The following HSDL1 variants were observed in gnomAD, a reference collection of about 807,000 sequenced individuals.
HSDL1 encodes hydroxysteroid dehydrogenase like 1, also known as inactive hydroxysteroid dehydrogenase-like protein 1.
Under a neutral mutation model 31.5 loss-of-function variants are expected in HSDL1, and 29 were observed. The observed-to-expected ratio is 0.92, with a 90% confidence interval of 0.69 to 1.26. HSDL1 has a LOEUF of 1.26. Ranked by LOEUF, HSDL1 falls within the 50% of genes most tolerant of loss-of-function variation. The probability of loss-of-function intolerance (pLI) is 0.00; values close to 1 mark genes in which losing one functional copy is unlikely to be tolerated. For missense variants in HSDL1, 503 were observed against 416.6 expected (o/e 1.21, Z -1.81); for synonymous variants, 222 against 155.2 (o/e 1.43, Z -3.20).
At chr16:84,139,466 G>C (rs1307305886) in intron 1 of HSDL1, among the ~76,000 whole-genome samples, 2 of 152,150 alleles carry the variant, frequency 1.3e-5, no homozygotes, top group African/African-American at 4.8e-5. Flanking sequence ...CTAGAAGCTG[G>C]CAGAGGCAAG....
Position 84,130,383 on chromosome 16 carries a change from C to T in HSDL1, c.269G>A (p.Arg90Gln), listed in dbSNP as rs763055432. Residue 90 changes from arginine (R) to glutamine (Q), a missense_variant, in exon 4 of 6, where the codon CGA becomes CAA. Physicochemically the swap from Arg to Gln is conservative, Grantham distance 43. Transcript: ENST00000219439. ...ACTAATCAGGATTATATTGAGACCTCGGCTTGCTAACTCTTCAGCGTAGGC... is the reference window on the plus strand; with the variant it reads ...ACTAATCAGGATTATATTGAGACCTTGGCTTGCTAACTCTTCAGCGTAGGC... ...GKAYAEELAS[R>Q]GLNIILISRN... 9.9e-6 allele frequency: 16 copies of T among 1,613,620 alleles called. No homozygotes were observed. Among genetic ancestry groups the T allele is most frequent in the African/African-American group, 5.3e-5 (4 of 74,912 alleles).
chr16:84,127,089 T>C (rs2086615222), intron 5 of HSDL1, among the ~76,000 whole-genome samples: 1 of 152,138 alleles, frequency 6.6e-6, no homozygotes, highest in Non-Finnish European at 1.5e-5. Context: ...CTGATCCTCA[T>C]ATCTTTATTT....
chr16:84,129,716 A>G lies in HSDL1; in HGVS notation c.726T>C (p.Phe242=), dbSNP rs1432491327. ...LQYEYASKGI[F]VQSLIPFYVA... is the part of the protein sequence containing the mutation. Reference sequence around the variant, plus strand: ...CATAGAAAGGGATTAGACTCTGTACAAAGATTCCTTTAGAGGCATATTCAT... The same window carrying G: ...CATAGAAAGGGATTAGACTCTGTACGAAGATTCCTTTAGAGGCATATTCAT... Residue 242 remains phenylalanine (F), a synonymous_variant, in exon 5 of 6, where the codon TTT becomes TTC. Transcript: ENST00000219439. The G allele has an allele frequency of 2.5e-6, 4 of 1,614,118 alleles. No individual in the cohort carries two copies. The highest frequency in any genetic ancestry group is 2.5e-6 in the Non-Finnish European group (3 of 1,180,046).
At chr16:84,141,649 T>A (rs1432230959) in intron 1 of HSDL1, among the ~76,000 whole-genome samples, 1 of 152,252 alleles carries the variant, frequency 6.6e-6, no homozygotes, top group Non-Finnish European at 1.5e-5. Context: ...CTCCTCAATG[T>A]CACTGGCTGG....
intron 1 of HSDL1, among the ~76,000 whole-genome samples, chr16:84,143,438 G>A (rs1396199873): frequency 1.3e-5 from 2 of 152,148 alleles, no homozygotes; most frequent in African/African-American, 2.4e-5. Flanking sequence ...GGGCTGCTGA[G>A]GGACAGGGGG....
At chr16:84,138,707 A>G (rs569339628) in intron 1 of HSDL1, among the ~76,000 whole-genome samples, 3 of 152,336 alleles carry the variant, frequency 2.0e-5, no homozygotes, top group African/African-American at 7.2e-5. Flanking sequence ...ACAAAACAAA[A>G]CCACAACTGT....
At chr16:84,135,048 A>G (rs2086699945) in intron 2 of HSDL1, among the ~76,000 whole-genome samples, 1 of 152,180 alleles carries the variant, frequency 6.6e-6, no homozygotes, top group Admixed American at 6.5e-5. Context: ...CCTGGCCAAC[A>G]GGGTGAAACC....
At chr16:84,137,537 G>T (rs886708033) in intron 1 of HSDL1, among the ~76,000 whole-genome samples, 7 of 152,168 alleles carry the variant, frequency 4.6e-5, no homozygotes, top group Non-Finnish European at 8.8e-5. Context: ...CTGAGCCCTG[G>T]TTACTCAGCT....
chr16:84,122,624 T>C lies in HSDL1; in HGVS notation c.*2006A>G, dbSNP rs948899015. The C allele has an allele frequency of 2.6e-5, 4 of 152,292 alleles. No homozygotes were observed. The highest frequency in any genetic ancestry group is 1.5e-5 in the Non-Finnish European group (1 of 68,106). The allele number at this position is 152,292 out of a possible 1,614,324, so 9.4% of individuals were successfully genotyped here. A position where few individuals can be genotyped will look rare whatever the true frequency, so the allele number is the denominator to read the frequency against. The stretch of plus-strand genomic sequence containing the variant: ...GCCCTGGCCTTCCAAACTGCTGGGA[T>C]TACAGGTGTGAGCCACCGCACTCGG... On this transcript the variant is annotated 3_prime_UTR_variant, in exon 6 of 6. Transcript: ENST00000219439.
At position 84,129,790 on chromosome 16, in the gene HSDL1, G is replaced by T. The variant is rs1439909628; in HGVS notation, c.667-15C>A. 11 of 1,584,418 alleles carry T rather than the reference G, an allele frequency of 6.9e-6. No individual in the cohort carries two copies. Among genetic ancestry groups the T allele is most frequent in the East Asian group, 2.2e-5 (1 of 44,680 alleles). On this transcript the variant is annotated splice_polypyrimidine_tract_variant and intron_variant, in intron 4 of 5. Transcript: ENST00000219439. ...TCTAAATAAGCCTGTTGAGACAGAG[G>T]GGAGGAAAAGACTTTTAATTCTGGG...
At chr16:84,138,500 G>T (rs766763236) in intron 1 of HSDL1, among the ~76,000 whole-genome samples, 2 of 152,128 alleles carry the variant, frequency 1.3e-5, no homozygotes, top group Non-Finnish European at 2.9e-5. Context: ...AGTAACTGAG[G>T]TGATGAATGT....
chr16:84,132,740 G>T (rs923477113), intron 2 of HSDL1, among the ~76,000 whole-genome samples: 4 of 152,048 alleles, frequency 2.6e-5, no homozygotes, highest in African/African-American at 9.7e-5. Flanking sequence ...AGGCATGGGG[G>T]GTCTGGCCAC....
At position 84,124,725 on chromosome 16, in the gene HSDL1, G is replaced by C. The variant is rs781385800; in HGVS notation, c.898C>G (p.Leu300Val). Residue 300 changes from leucine (L) to valine (V), a missense_variant, in exon 6 of 6, where the codon CTT becomes GTT. Leu to Val is a conservative substitution (Grantham distance 32, BLOSUM62 1). Transcript: ENST00000219439. ...CATTCAGGCATATACTGTGCAAAAA[G>C]AAACTAAAAATGAAAGAGAAAAAGG... ...TGYWSHSIQF[L>V]FAQYMPEWLW... is the part of the protein sequence containing the mutation. 2.5e-6 allele frequency: 4 copies of C among 1,610,396 alleles called. No individual in the cohort carries two copies. Among genetic ancestry groups the C allele is most frequent in the Non-Finnish European group, 3.4e-6 (4 of 1,176,860 alleles).
chr16:84,144,667 G>A (rs2151195412), intron 1 of HSDL1, among the ~76,000 whole-genome samples: 1 of 152,198 alleles, frequency 6.6e-6, no homozygotes, highest in South Asian at 2.1e-4. Context: ...GGCCGCTCGG[G>A]GGAGGAGCCG....
intron 1 of HSDL1, among the ~76,000 whole-genome samples, chr16:84,135,899 G>A (rs892219500): frequency 4.6e-5 from 7 of 152,198 alleles, no homozygotes; most frequent in African/African-American, 1.4e-4. Context: ...TCATCAAATG[G>A]GACAAAAGCC....
At chr16:84,140,600 T>A (rs914041784) in intron 1 of HSDL1, among the ~76,000 whole-genome samples, 7 of 152,086 alleles carry the variant, frequency 4.6e-5, no homozygotes, top group African/African-American at 1.7e-4. Context: ...ATGTAAAACC[T>A]ATTATGCACA....
At chr16:84,125,817 A>C (rs111972936) in intron 5 of HSDL1, among the ~76,000 whole-genome samples, 5,053 of 152,100 alleles carry the variant, frequency 0.033, 249 homozygotes, top group African/African-American at 0.12. Context: ...AAGAACCACA[A>C]AATCGGCTGG....
At chr16:84,141,955 T>G (rs1271455466) in intron 1 of HSDL1, among the ~76,000 whole-genome samples, 1 of 152,246 alleles carries the variant, frequency 6.6e-6, no homozygotes. Flanking sequence ...TGAGACAAGG[T>G]CTGGCTCTAT....
In HSDL1 at chr16:84,129,555, G is replaced by T; in HGVS notation, c.887C>A (p.Ser296Tyr). ...SKRTTGYWSH[S>Y]IQFLFAQYMP... ...CCTGAAGCACACTCCTACCTGAATAGAATGGGACCAATATCCTGTGGTCCT... is the reference window on the plus strand; with the variant it reads ...CCTGAAGCACACTCCTACCTGAATATAATGGGACCAATATCCTGTGGTCCT... Residue 296 changes from serine (S) to tyrosine (Y), a missense_variant, in exon 5 of 6, where the codon TCT becomes TAT. By Grantham distance (144) the Ser-to-Tyr change is moderately radical. Coordinates refer to ENST00000219439, the MANE Select transcript of HSDL1 (RefSeq NM_031463.5). The T allele has an allele frequency of 6.2e-7, 1 of 1,607,564 alleles. No individual in the cohort carries two copies. Among genetic ancestry groups the T allele is most frequent in the Non-Finnish European group, 8.5e-7 (1 of 1,174,000 alleles).
Sources: allele counts gnomAD v4.1 joint callset (sites outside exome capture counted in the v4.1 genomes callset), GRCh38; gene constraint gnomAD v4.1.1; transcripts MANE v1.5; gene names NCBI Gene and HGNC (gene_info 2026-07-23, HGNC 2026-07-21).